The following SHISA9 variants were observed in gnomAD, a reference collection of about 807,000 sequenced individuals.
SHISA9 encodes the protein protein shisa-9.
Under a neutral mutation model 38.0 loss-of-function variants are expected in SHISA9, and 13 were observed. That is an observed-to-expected ratio of 0.34 (90% confidence interval 0.22 to 0.54). The LOEUF (loss-of-function observed/expected upper bound fraction) is 0.54. Among genes scored for constraint, SHISA9 ranks in the 20% least tolerant of loss-of-function variants. The probability of loss-of-function intolerance (pLI) is 0.91; values close to 1 mark genes in which losing one functional copy is unlikely to be tolerated. For missense variants in SHISA9, 538 were observed against 575.8 expected (o/e 0.93, Z 0.67); for synonymous variants, 275 against 242.0 (o/e 1.14, Z -1.27).
chr16:13,046,589 A>G (rs898307755), intron 2 of SHISA9, among the ~76,000 whole-genome samples: 3 of 152,240 alleles, frequency 2.0e-5, no homozygotes, highest in Non-Finnish European at 4.4e-5. Context: ...GTTTCATAAA[A>G]AAGAATTTGA....
intron 1 of SHISA9, chr16:12,910,539 G>C (rs1490210524): frequency 1.0e-6 from 1 of 985,256 alleles, no homozygotes; most frequent in Non-Finnish European, 1.2e-6. Flanking sequence ...AGAAAGTACT[G>C]GTTCTAGTAC....
the SHISA9 span, among the ~76,000 whole-genome samples, chr16:13,425,357 C>T: frequency 2.4e-4 from 37 of 152,180 alleles, no homozygotes; most frequent in African/African-American, 8.9e-4. Context: ...CATGGTGGCA[C>T]GTTTCTGTAG....
chr16:13,450,829 C>G, the SHISA9 span, among the ~76,000 whole-genome samples: 4 of 152,132 alleles, frequency 2.6e-5, no homozygotes, highest in Admixed American at 2.6e-4. Context: ...GCGATCTGCC[C>G]TATTAGGCTT....
intron 2 of SHISA9, among the ~76,000 whole-genome samples, chr16:12,937,563 A>G (rs1352421053): frequency 6.6e-6 from 1 of 152,248 alleles, no homozygotes; most frequent in East Asian, 1.9e-4. Context: ...GAGGGTAGAC[A>G]TACCAGACCA....
intron 2 of SHISA9, among the ~76,000 whole-genome samples, chr16:13,032,746 T>A (rs1277889662): frequency 3.3e-5 from 5 of 152,182 alleles, no homozygotes; most frequent in Non-Finnish European, 7.3e-5. Flanking sequence ...GAATTATGAC[T>A]CTTGATTGTT....
At chr16:13,234,385 C>T (rs891325578) in intron 4 of SHISA9, among the ~76,000 whole-genome samples, 1 of 152,152 alleles carries the variant, frequency 6.6e-6, no homozygotes, top group African/African-American at 2.4e-5. Flanking sequence ...ATGAAGTATA[C>T]TTTTTTATTG....
chr16:13,452,814 ATCT>A, the SHISA9 span, among the ~76,000 whole-genome samples: 1 of 151,428 alleles, frequency 6.6e-6, no homozygotes, highest in Admixed American at 6.6e-5. Flanking sequence ...GGGGCCTCTG[ATCT>A]TCTGCTTGAG....
chr16:13,142,090 C>G (rs933153495), intron 2 of SHISA9, among the ~76,000 whole-genome samples: 1 of 152,166 alleles, frequency 6.6e-6, no homozygotes, highest in Non-Finnish European at 1.5e-5. Flanking sequence ...TGTCCCCATT[C>G]TAGGAGCATT....
chr16:13,033,032 G>A (rs987210763), intron 2 of SHISA9, among the ~76,000 whole-genome samples: 23 of 152,170 alleles, frequency 1.5e-4, no homozygotes, highest in Admixed American at 1.3e-3. Context: ...GGCTTTCTTC[G>A]CATGGTGACC....
chr16:13,290,368 G>A, the SHISA9 span, among the ~76,000 whole-genome samples: 1 of 151,904 alleles, frequency 6.6e-6, no homozygotes, highest in Non-Finnish European at 1.5e-5. Flanking sequence ...TCCCCATGGT[G>A]GGCATTCACC....
At chr16:13,151,026 G>A (rs1439951383) in intron 2 of SHISA9, among the ~76,000 whole-genome samples, 1 of 152,134 alleles carries the variant, frequency 6.6e-6, no homozygotes, top group Non-Finnish European at 1.5e-5. Flanking sequence ...CACTTTCATA[G>A]GGGTTTTCTT....
chr16:13,164,899 A>G (rs1164518585), intron 2 of SHISA9, among the ~76,000 whole-genome samples: 1 of 152,182 alleles, frequency 6.6e-6, no homozygotes, highest in Non-Finnish European at 1.5e-5. Context: ...GGCTTACAAT[A>G]TGGTTCATCT....
At chr16:13,062,686 C>T (rs1425803073) in intron 2 of SHISA9, among the ~76,000 whole-genome samples, 2 of 152,054 alleles carry the variant, frequency 1.3e-5, no homozygotes, top group African/African-American at 4.8e-5. Context: ...TTCCTTTTGC[C>T]CCTGACTAAT....
chr16:13,328,939 A>G, the SHISA9 span, among the ~76,000 whole-genome samples: 1 of 152,150 alleles, frequency 6.6e-6, no homozygotes, highest in African/African-American at 2.4e-5. Flanking sequence ...CACCCTGTAA[A>G]ATTGAGCTGC....
intron 2 of SHISA9, among the ~76,000 whole-genome samples, chr16:12,943,322 TGTGTGTGTGAGAGAGAGAGAGA>T (rs2071643251): frequency 8.1e-4 from 18 of 22,086 alleles, no homozygotes; most frequent in African/African-American, 2.7e-3. Flanking sequence ...TGTGTGTGTG[TGTGTGTGTGAGAGAGAGAGAGA>T]GAGAGAGAGA....
chr16:12,954,569 T>C (rs568180688), intron 2 of SHISA9, among the ~76,000 whole-genome samples: 1 of 152,286 alleles, frequency 6.6e-6, no homozygotes, highest in South Asian at 2.1e-4. Flanking sequence ...TAGAACTTTT[T>C]CCTTGGTTCT....
the SHISA9 span, among the ~76,000 whole-genome samples, chr16:13,473,801 G>T: frequency 1.5e-3 from 234 of 151,866 alleles, no homozygotes; most frequent in African/African-American, 5.3e-3. Context: ...AAAGTTGTTT[G>T]TTTGTGTGTG....
At chr16:13,096,386 G>C (rs963499496) in intron 2 of SHISA9, among the ~76,000 whole-genome samples, 1 of 151,940 alleles carries the variant, frequency 6.6e-6, no homozygotes, top group Non-Finnish European at 1.5e-5. Flanking sequence ...TTATAGATTA[G>C]TGGGGAAGCC....
At chr16:13,561,055 G>T in the SHISA9 span, among the ~76,000 whole-genome samples, 413 of 152,176 alleles carry the variant, frequency 2.7e-3, 2 homozygotes, top group African/African-American at 9.2e-3. Flanking sequence ...GTAGAGATGG[G>T]TTTTCACCAT....
Sources: allele counts gnomAD v4.1 joint callset (sites outside exome capture counted in the v4.1 genomes callset), GRCh38; gene constraint gnomAD v4.1.1; transcripts MANE v1.5; gene names NCBI Gene and HGNC (gene_info 2026-07-23, HGNC 2026-07-21).